The following RRM2 variants were observed in gnomAD, a reference collection of about 807,000 sequenced individuals.
The protein encoded by RRM2 is ribonucleotide reductase regulatory subunit M2, also known as ribonucleoside-diphosphate reductase subunit M2.
In RRM2, 6 loss-of-function variants were observed where a neutral mutation model predicts 45.9. The ratio of observed to expected loss-of-function variants is 0.13; its 90% CI spans 0.07 to 0.26. The LOEUF (loss-of-function observed/expected upper bound fraction) is 0.26. Among genes scored for constraint, RRM2 ranks in the 10% least tolerant of loss-of-function variants. The pLI is 1.00. For missense variants in RRM2, 343 were observed against 489.5 expected, an observed-to-expected ratio of 0.70 and a Z score of 2.82; for synonymous variants, 177 against 173.0, an observed-to-expected ratio of 1.02 and a Z score of -0.18.
intron 3 of RRM2, among the ~76,000 whole-genome samples, chr2:10,190,206 ATGATGGTGGAGATGATAG>A (rs1664260339): frequency 7.0e-6 from 1 of 142,100 alleles, no homozygotes; most frequent in Non-Finnish European, 1.5e-5. Flanking sequence ...GGTGGTACTG[ATGATGGTGGAGATGATAG>A]TGATGGTGAT....
chr2:10,195,369 A>G lies in RRM2; in HGVS notation n.483-14942A>G, dbSNP rs565796832. 3.0e-4 allele frequency among the ~76,000 whole-genome samples: 46 copies of G among 152,198 alleles called. No individual in the cohort carries two copies. Among genetic ancestry groups the G allele is most frequent in the Admixed American group, 2.4e-3 (37 of 15,290 alleles). On this transcript the variant is annotated intron_variant and non_coding_transcript_variant, in intron 3 of 3. Transcript: ENST00000381786. This position sits in a 1 kb window ranked among gnomAD's most constrained non-coding sequence, Gnocchi z 4.9. ...GACTTGGAAGGAAGGAAGAGCGGACACAGGGCCTCTGAGCGGACAGTGCTG... is the reference window on the plus strand; with the variant it reads ...GACTTGGAAGGAAGGAAGAGCGGACGCAGGGCCTCTGAGCGGACAGTGCTG...
At chr2:10,175,611 T>C (rs1271902598) in intron 3 of RRM2, among the ~76,000 whole-genome samples, 1 of 152,168 alleles carries the variant, frequency 6.6e-6, no homozygotes, top group Non-Finnish European at 1.5e-5. Context: ...TTTATTTTAG[T>C]TTTTGAGACA....
chr2:10,151,859 G>T (rs768644580), intron 3 of RRM2, among the ~76,000 whole-genome samples: 16 of 152,204 alleles, frequency 1.1e-4, no homozygotes, highest in Middle Eastern at 3.4e-3. Context: ...AATAACAACT[G>T]GCATGAGCCT....
chr2:10,158,122 T>C (rs1663472836), intron 3 of RRM2, among the ~76,000 whole-genome samples: 1 of 152,158 alleles, frequency 6.6e-6, no homozygotes, highest in Admixed American at 6.5e-5. Context: ...CCCTTTGAGA[T>C]GGGATGGCTA....
intron 5 of RRM2, 56 bp downstream of exon 5, chr2:10,124,906 TAC>T (rs1289853690): frequency 4.0e-5 from 60 of 1,512,714 alleles, no homozygotes; most frequent in Middle Eastern, 1.7e-4. Context: ...GTTGATTTAT[TAC>T]ACATTTTTAG....
intron 3 of RRM2, among the ~76,000 whole-genome samples, chr2:10,173,913 G>A (rs12477766): frequency 0.57 from 86,734 of 152,056 alleles, 26,562 homozygotes; most frequent in Non-Finnish European, 0.69. Flanking sequence ...TACCGGGTGT[G>A]CTCCGTGGGG....
At chr2:10,202,918 C>T (rs886406835) in intron 3 of RRM2, among the ~76,000 whole-genome samples, 1 of 152,210 alleles carries the variant, frequency 6.6e-6, no homozygotes, top group Non-Finnish European at 1.5e-5. Context: ...TTTCTAAAGC[C>T]ACGTCTTCCT....
Position 10,122,984 on chromosome 2 carries a change from C to T in RRM2, c.101C>T (p.Pro34Leu). Residue 34 changes from proline (P) to leucine (L), a missense_variant and splice_region_variant, in exon 2 of 10, where the codon CCG becomes CTG. This residue lies in a region of RRM2 where 131 missense variants were observed against 121.4 expected (regional missense o/e 1.08). Transcript: ENST00000304567. Reference protein sequence around the residue: ...GLSLVDKENTPPALSGTRVLA... With the variant: ...GLSLVDKENTLPALSGTRVLA... ...TCACTCACACGCGTCTCCCCGCAGC[C>T]GCCGGCCCTGAGCGGGACCCGCGTC... 1.3e-6 allele frequency: 2 copies of T among 1,554,712 alleles called. No individual in the cohort carries two copies. Among genetic ancestry groups the T allele is most frequent in the Non-Finnish European group, 8.7e-7 (1 of 1,155,792 alleles).
At chr2:10,170,662 C>G (rs1318047611) in intron 3 of RRM2, among the ~76,000 whole-genome samples, 1 of 151,954 alleles carries the variant, frequency 6.6e-6, no homozygotes, top group Non-Finnish European at 1.5e-5. Context: ...TCATTTACGG[C>G]CTGGGTCTCC....
upstream of RRM2, among the ~76,000 whole-genome samples, chr2:10,139,105 C>CA (rs1207946597): frequency 2.6e-5 from 4 of 151,524 alleles, no homozygotes; most frequent in East Asian, 1.9e-4. Context: ...GAGACTGACT[C>CA]AAAAAAAATA....
Position 10,195,473 on chromosome 2 carries a change from G to A in RRM2, n.483-14838G>A, listed in dbSNP as rs1379101583. Among the ~76,000 whole-genome samples, 1 of 152,202 alleles carries A rather than the reference G, an allele frequency of 6.6e-6. No individual in the cohort carries two copies. Among genetic ancestry groups the A allele is most frequent in the South Asian group, 2.1e-4 (1 of 4,834 alleles). ...GAGCCAGCAGCAGGAGCATGCGGGGGAGACCTTGGCCCAGCCCTGCAGTCA... is the reference window on the plus strand; with the variant it reads ...GAGCCAGCAGCAGGAGCATGCGGGGAAGACCTTGGCCCAGCCCTGCAGTCA... On this transcript the variant is annotated intron_variant and non_coding_transcript_variant, in intron 3 of 3. Coordinates refer to the RRM2 transcript ENST00000381786. This position sits in a 1 kb window ranked among gnomAD's most constrained non-coding sequence, Gnocchi z 4.9.
chr2:10,167,460 C>T (rs548064719), intron 3 of RRM2, among the ~76,000 whole-genome samples: 2 of 152,242 alleles, frequency 1.3e-5, no homozygotes, highest in South Asian at 2.1e-4. Context: ...GGTGTGTGTC[C>T]GTGCCTGTGC....
rs980452686 is a variant in RRM2 at position 10,124,968 on chromosome 2, A to G, written c.569+118A>G. On this transcript the variant is annotated intron_variant, in intron 5 of 9. Coordinates refer to ENST00000304567, the MANE Select transcript of RRM2 (RefSeq NM_001034.4). ...CAGAATGACTAAGACAGTCATAGGC[A>G]TTCCCAGCACCCGTGGTCATGTCTG... 10 of 912,216 alleles carry G rather than the reference A, an allele frequency of 1.1e-5. No homozygotes were observed. In the African/African-American group the frequency reaches 1.7e-4, roughly 15 times the overall value. 56.5% of individuals were successfully genotyped at this position (912,216 alleles called of 1,614,324 possible). A position where few individuals can be genotyped will look rare whatever the true frequency, so the allele number is the denominator to read the frequency against.
Position 10,129,063 on chromosome 2 carries a change from C to T in RRM2, c.926C>T (p.Pro309Leu). 6.2e-7 allele frequency: 1 copy of T among 1,614,164 alleles called. No homozygotes were observed. Among genetic ancestry groups the T allele is most frequent in the South Asian group, 1.1e-5 (1 of 91,080 alleles). The change falls in exon 9 of 10, where the codon CCT (proline) becomes CTT (leucine). Residue 309 changes from proline (P) to leucine (L), a missense_variant. By Grantham distance (98) the Pro-to-Leu change is moderately conservative. Around this residue, in one of 2 missense-constraint regions of RRM2, gnomAD observed 212 missense variants for 368.1 expected, o/e 0.58. Coordinates refer to ENST00000304567, the MANE Select transcript of RRM2 (RefSeq NM_001034.4). This position sits in a 1 kb window ranked among gnomAD's most constrained non-coding sequence, Gnocchi z 4.8. ...IEQEFLTEAL[P>L]VKLIGMNCTL... The stretch of plus-strand genomic sequence containing the variant: ...TAGGAGTTCCTCACTGAGGCCTTGC[C>T]TGTGAAGCTCATTGGGATGAATTGC...
At chr2:10,178,754 A>C (rs1049906883) in intron 3 of RRM2, among the ~76,000 whole-genome samples, 1 of 152,166 alleles carries the variant, frequency 6.6e-6, no homozygotes, top group Non-Finnish European at 1.5e-5. Flanking sequence ...CATATGTTGG[A>C]ATCTCACACC....
chr2:10,152,316 C>T (rs1179738116), intron 3 of RRM2, among the ~76,000 whole-genome samples: 1 of 152,090 alleles, frequency 6.6e-6, no homozygotes, highest in African/African-American at 2.4e-5. Context: ...TCTAGTTACA[C>T]GTCTTTTATC....
intron 3 of RRM2, among the ~76,000 whole-genome samples, chr2:10,149,363 AG>A (rs1663258176): frequency 6.6e-6 from 1 of 152,132 alleles, no homozygotes; most frequent in African/African-American, 2.4e-5. Context: ...TCCTGGCCTC[AG>A]GTGATCTGCC....
upstream of RRM2, among the ~76,000 whole-genome samples, chr2:10,137,790 TCTC>T (rs1315318870): frequency 6.6e-6 from 1 of 152,080 alleles, no homozygotes; most frequent in Non-Finnish European, 1.5e-5. Flanking sequence ...GAGTCTTCCC[TCTC>T]CTCTACTTCA....
intron 3 of RRM2, among the ~76,000 whole-genome samples, chr2:10,196,625 CG>C (rs1449449958): frequency 1.3e-5 from 2 of 152,142 alleles, no homozygotes; most frequent in African/African-American, 2.4e-5. Context: ...CATGGGGGGC[CG>C]GGCTCCGGGG....
Sources: gnomAD v4.1 joint callset for allele counts (sites outside exome capture counted in the v4.1 genomes callset) on GRCh38, gnomAD v4.1.1 for gene constraint, gnomAD v4.1.1 regional missense constraint, Gnocchi (gnomAD v3.1) non-coding constraint, MANE v1.5 for transcripts, NCBI Gene and HGNC (gene_info 2026-07-23, HGNC 2026-07-21) for gene names.